NOD1: variants seen among roughly 807,000 people sequenced by gnomAD.
NOD1 encodes the protein nucleotide binding oligomerization domain containing 1.
A neutral mutation model predicts 81.2 loss-of-function variants in NOD1; 70 were observed. The ratio of observed to expected loss-of-function variants is 0.86; its 90% CI spans 0.71 to 1.05. The LOEUF is 1.05. Ranked by LOEUF, NOD1 falls within the 50% of genes least tolerant of loss-of-function variation. The pLI, the probability that NOD1 is intolerant of heterozygous loss-of-function variation, is 0.00. For synonymous variants in NOD1, 508 were observed against 526.9 expected (o/e 0.96, Z 0.49); for missense variants, 1,233 against 1,228.0 (o/e 1.00, Z -0.06).
intron 12 of NOD1, among the ~76,000 whole-genome samples, chr7:30,429,873 T>A (rs2127990488): frequency 6.6e-6 from 1 of 152,190 alleles, no homozygotes; most frequent in Middle Eastern, 3.4e-3. Flanking sequence ...ACAAAAAAAT[T>A]AGCTGGGCAT....
intron 3 of NOD1, among the ~76,000 whole-genome samples, chr7:30,457,886 C>T (rs970898259): frequency 1.1e-4 from 17 of 152,192 alleles, no homozygotes; most frequent in South Asian, 4.1e-4. Flanking sequence ...CCTCTTCCCC[C>T]GTGTCCTTGA....
At chr7:30,431,706 G>A (rs1392940629) in intron 12 of NOD1, among the ~76,000 whole-genome samples, 8 of 152,202 alleles carry the variant, frequency 5.3e-5, no homozygotes, top group African/African-American at 1.9e-4. Context: ...AGAAAACTTA[G>A]GTGGAGTTCT....
At chr7:30,474,531 A>G (rs1788579381) in intron 1 of NOD1, among the ~76,000 whole-genome samples, 1 of 152,252 alleles carries the variant, frequency 6.6e-6, no homozygotes, top group Middle Eastern at 3.2e-3. Flanking sequence ...TCAGATCATC[A>G]GGCATTAAAT....
intron 1 of NOD1, among the ~76,000 whole-genome samples, chr7:30,470,588 T>G (rs1230705049): frequency 6.6e-6 from 1 of 152,254 alleles, no homozygotes; most frequent in African/African-American, 2.4e-5. Flanking sequence ...ACCAATAGTT[T>G]CTGTTGCTCT....
chr7:30,451,730 G>C lies in NOD1; in HGVS notation c.1687C>G (p.Leu563Val). Residue 563 changes from leucine to valine, a missense_variant, in exon 6 of 14, where the codon CTC becomes GTC. Transcript: ENST00000222823. This position sits in a 1 kb window ranked among gnomAD's most constrained non-coding sequence, Gnocchi z 4.2. ...AATTSCYPPF[L>V]PFQCLQGSGP... Reference sequence around the variant, plus strand: ...CTGCCCTGCAGGCACTGGAACGGGAGGAAGGGAGGATAGCAGGACGTGGTC... The same window carrying C: ...CTGCCCTGCAGGCACTGGAACGGGACGAAGGGAGGATAGCAGGACGTGGTC... 6.2e-7 allele frequency: 1 copy of C among 1,613,830 alleles called. No individual in the cohort carries two copies. Among genetic ancestry groups the C allele is most frequent in the Admixed American group, 1.7e-5 (1 of 60,028 alleles).
At chr7:30,454,965 G>A (rs1050289682) in intron 5 of NOD1, among the ~76,000 whole-genome samples, 172 bp downstream of exon 5, 10 of 152,164 alleles carry the variant, frequency 6.6e-5, no homozygotes, top group Non-Finnish European at 1.3e-4. Context: ...CAGTTCAATC[G>A]CAGCCACCTG....
chr7:30,457,939 G>A (rs1221085463), intron 3 of NOD1, among the ~76,000 whole-genome samples: 1 of 152,202 alleles, frequency 6.6e-6, no homozygotes, highest in African/African-American at 2.4e-5. Flanking sequence ...TGGGAAAGGA[G>A]GGAAAAGCAA....
Position 30,452,389 on chromosome 7 carries a change from A to G in NOD1, c.1028T>C (p.Leu343Pro). 6.2e-7 allele frequency: 1 copy of G among 1,613,348 alleles called. No homozygotes were observed. ...RTGIEVPRQF[L>P]RKKVLLRGFS... ...GCCCCGGAGAAGCACCTTCTTCCGC[A>G]GGAACTGGCGCGGGACCTCGATGCC... is the stretch of plus-strand genomic sequence containing the variant. Residue 343 changes from leucine (L) to proline (P), a missense_variant, in exon 6 of 14, where the codon CTG becomes CCG. Transcript: ENST00000222823.
chr7:30,464,157 A>G (rs963950403), intron 1 of NOD1: 7 of 152,232 alleles, frequency 4.6e-5, no homozygotes, highest in African/African-American at 1.7e-4. Flanking sequence ...TCTGCATCTG[A>G]GAAATTCCAC....
At chr7:30,429,493 T>A (rs373366335) in intron 12 of NOD1, 36 bp from the exon 13 acceptor site, 18 of 1,582,140 alleles carry the variant, frequency 1.1e-5, no homozygotes, top group Non-Finnish European at 1.4e-5. Context: ...AAATCCATAA[T>A]ACTGGATCAA....
rs528078005 is a variant in NOD1 at position 30,460,265 on chromosome 7, A to T, written c.-351-224T>A. 73 of 985,474 alleles carry T rather than the reference A, an allele frequency of 7.4e-5. No homozygotes were observed. The African/African-American group carries it at 1.1e-3, about 15-fold the overall frequency. 61.0% of individuals were successfully genotyped at this position (985,474 alleles called of 1,614,324 possible). A position where few individuals can be genotyped will look rare whatever the true frequency, so the allele number is the denominator to read the frequency against. On this transcript the variant is annotated intron_variant, in intron 1 of 13. Transcript: ENST00000222823. ...CCATACCATGGGAGACTGGAGATCA[A>T]TTCGAAGTTCATGGGCACTTATTAC...
intron 3 of NOD1, among the ~76,000 whole-genome samples, chr7:30,457,882 C>T (rs1025037575): frequency 6.6e-6 from 1 of 152,160 alleles, no homozygotes; most frequent in Non-Finnish European, 1.5e-5. Flanking sequence ...ATAACCTCTT[C>T]CCCCGTGTCC....
At position 30,452,269 on chromosome 7, in the gene NOD1, T is replaced by C. The variant is rs1310657751; in HGVS notation, c.1148A>G (p.Asn383Ser). The change falls in exon 6 of 14, where the codon AAC (asparagine) becomes AGC (serine). Residue 383 changes from asparagine to serine, a missense_variant. Coordinates refer to ENST00000222823, the MANE Select transcript of NOD1 (RefSeq NM_006092.4). The part of the protein sequence containing the change: ...RLLSQLEANP[N>S]LCSLCSVPLF... The stretch of plus-strand genomic sequence containing the variant: ...GGGCACAGAGCACAGGCTGCAGAGG[T>C]TGGGGTTGGCCTCCAGCTGGCTCAG... 2.5e-6 allele frequency: 4 copies of C among 1,613,296 alleles called. No homozygotes were observed. The South Asian group carries it at 4.4e-5, about 18-fold the overall frequency.
chr7:30,454,580 C>T (rs1321458630), intron 5 of NOD1, among the ~76,000 whole-genome samples: 1 of 152,214 alleles, frequency 6.6e-6, no homozygotes, highest in African/African-American at 2.4e-5. Context: ...GACTGGCACT[C>T]AACGGTGACA....
At chr7:30,458,010 G>A (rs982657805) in intron 3 of NOD1, among the ~76,000 whole-genome samples, 1 of 152,158 alleles carries the variant, frequency 6.6e-6, no homozygotes, top group East Asian at 1.9e-4. Context: ...AAGAGGGAGA[G>A]CCGGCACAGA....
At chr7:30,475,922 A>G (rs1432866543) in intron 1 of NOD1, 1 of 152,260 alleles carries the variant, frequency 6.6e-6, no homozygotes, top group Admixed American at 6.5e-5. Flanking sequence ...GAGTTTTTCC[A>G]GAAACCAGGT....
intron 5 of NOD1, among the ~76,000 whole-genome samples, chr7:30,454,073 G>A (rs1276231257): frequency 1.3e-5 from 2 of 152,228 alleles, no homozygotes; most frequent in East Asian, 1.9e-4. Context: ...AGCAGACAGA[G>A]TCAGAAGCTA....
intron 12 of NOD1, among the ~76,000 whole-genome samples, chr7:30,430,942 G>A (rs1000382557): frequency 2.0e-5 from 3 of 152,214 alleles, no homozygotes; most frequent in African/African-American, 7.2e-5. Flanking sequence ...CCAGGAAGTG[G>A]GCACCAAGTT....
Position 30,451,176 on chromosome 7 carries a change from G to T in NOD1, c.2201+40C>A, listed in dbSNP as rs377325784. On this transcript the variant is annotated intron_variant, in intron 6 of 13. Coordinates refer to ENST00000222823, the MANE Select transcript of NOD1 (RefSeq NM_006092.4). This position sits in a 1 kb window ranked among gnomAD's most constrained non-coding sequence, Gnocchi z 4.2. ...TCCCGATGCCCTCCGAGCCTGGCCC[G>T]CCCGGCCCACCTGTTGCTCCCCTTG... The T allele has an allele frequency of 1.3e-5, 21 of 1,589,846 alleles. No individual in the cohort carries two copies. The highest frequency in any genetic ancestry group is 1.8e-5 in the Non-Finnish European group (21 of 1,167,428).
Sources: gnomAD v4.1 joint callset for allele counts (sites outside exome capture counted in the v4.1 genomes callset) on GRCh38, gnomAD v4.1.1 for gene constraint, Gnocchi (gnomAD v3.1) non-coding constraint, MANE v1.5 for transcripts, NCBI Gene and HGNC (gene_info 2026-07-23, HGNC 2026-07-21) for gene names.